Variants in TAF9B observed in about 807,000 individuals in gnomAD.
TAF9B encodes transcription initiation factor TFIID subunit 9B.
In TAF9B, 47 loss-of-function variants were observed where a neutral mutation model predicts 17.6. The observed-to-expected ratio is 2.68, with a 90% CI of 2.12 to 3.41. The LOEUF (loss-of-function observed/expected upper bound fraction) is 3.41, where lower values mean the gene tolerates loss of function less well. TAF9B is among the 30% of genes most tolerant of loss of function. The pLI, the probability that TAF9B is intolerant of heterozygous loss-of-function variation, is 0.00. For missense variants in TAF9B, 218 were observed against 189.3 expected, an observed-to-expected ratio of 1.15 and a Z score of -0.89; for synonymous variants, 84 against 68.7, an observed-to-expected ratio of 1.22 and a Z score of -1.10.
chrX:78,139,541 G>A lies in TAF9B; in HGVS notation c.51+20C>T. ...GGCTGCACCTGGCTTCGCGATCCGC[G>A]GCTTATCCTTCGCACTTACCAAGGC... On this transcript the variant is annotated intron_variant, in intron 1 of 6. Transcript: ENST00000341864. The A allele has an allele frequency of 8.3e-7, 1 of 1,211,349 alleles. No homozygotes were observed. Among genetic ancestry groups the A allele is most frequent in the Admixed American group, 2.2e-5 (1 of 46,012 alleles).
chrX:78,137,671 T>TAC (rs1203693456), intron 4 of TAF9B, 78 bp downstream of exon 4: 3 of 955,622 alleles, frequency 3.1e-6, no homozygotes, highest in Non-Finnish European at 2.9e-6. Context: ...CTATACTAGC[T>TAC]ACAGGAATTT....
chrX:78,137,956 G>C lies in TAF9B; in HGVS notation c.270+6C>G. The C allele has an allele frequency of 8.3e-7, 1 of 1,205,116 alleles. No homozygotes were observed. ...TAAAAATAACTTCAAATCAAAGTTT[G>C]CTCACATCTCTTGGGGGAGGAGAGG... On this transcript the variant is annotated splice_donor_region_variant and intron_variant, in intron 3 of 6. Transcript: ENST00000341864.
Position 78,130,520 on chromosome X carries a change from G to GTCT in TAF9B, c.*1087_*1089dup, listed in dbSNP as rs1479148980. The GTCT allele has an allele frequency of 2.3e-4, 26 of 112,497 alleles. No individual in the cohort carries two copies. The Admixed American group carries it at 2.5e-3, about 11-fold the overall frequency. 9.3% of individuals were successfully genotyped at this position (112,497 alleles called of 1,213,427 possible). On this transcript the variant is annotated 3_prime_UTR_variant, in exon 7 of 7. Transcript: ENST00000341864. ...ATTAGTGTCTTTCAGGTTTGATCCT[G>GTCT]TCTTATATGTGACATCCTCAGCAAC...
rs781964968 is a variant in TAF9B, at chrX:78,138,882, C to G, written c.94G>C (p.Glu32Gln). Residue 32 changes from glutamate (E) to glutamine (Q), a missense_variant, in exon 2 of 7, where the codon GAA (glutamate) becomes CAA (glutamine). By Grantham distance (29) the Glu-to-Gln change is conservative. Coordinates refer to ENST00000341864, the MANE Select transcript of TAF9B (RefSeq NM_015975.5). ...AACATTTGATTTATAACCCTTGGTT[C>G]ATACTCTGTGATTCCCATATCCTTC... ...ILKDMGITEY[E>Q]PRVINQMLEF... 22 of 1,208,348 alleles carry G rather than the reference C, an allele frequency of 1.8e-5. No individual in the cohort carries two copies. Among genetic ancestry groups the G allele is most frequent in the Non-Finnish European group, 2.4e-5 (21 of 893,338 alleles).
Position 78,129,831 on chromosome X carries a change from C to CACAT in TAF9B, c.*1775_*1778dup, listed in dbSNP as rs1245317586. On this transcript the variant is annotated 3_prime_UTR_variant, in exon 7 of 7. Transcript: ENST00000341864. ...CATTTTACAATTCTGAAAGAATTTT[C>CACAT]ACATATACCAATTGAACCCTCACAA... is the stretch of plus-strand genomic sequence containing the variant. 14 of 111,915 alleles carry CACAT rather than the reference C, an allele frequency of 1.3e-4. No individual in the cohort carries two copies. Among genetic ancestry groups the CACAT allele is most frequent in the African/African-American group, 4.6e-4 (14 of 30,657 alleles). The allele number at this position is 111,915 out of a possible 1,213,427, so 9.2% of individuals were successfully genotyped here. A position where few individuals can be genotyped will look rare whatever the true frequency, so the allele number is the denominator to read the frequency against.
At position 78,129,857 on chromosome X, in the gene TAF9B, C is replaced by T. The variant is rs2078401560; in HGVS notation, c.*1753G>A. The T allele has an allele frequency of 8.9e-6, 1 of 112,043 alleles. No individual in the cohort carries two copies. Among genetic ancestry groups the T allele is most frequent in the African/African-American group, 3.3e-5 (1 of 30,703 alleles). The allele number at this position is 112,043 out of a possible 1,213,427, so 9.2% of individuals were successfully genotyped here. A position where few individuals can be genotyped will look rare whatever the true frequency, so the allele number is the denominator to read the frequency against. ...ACATATACCAATTGAACCCTCACAA[C>T]AGCCCTGTGAGGTAGGCAGGGTAGG... On this transcript the variant is annotated 3_prime_UTR_variant, in exon 7 of 7. Coordinates refer to ENST00000341864, the MANE Select transcript of TAF9B (RefSeq NM_015975.5).
At chrX:78,139,040 C>T (rs1336200980) in intron 1 of TAF9B, 116 bp from the exon 2 acceptor site, 1 of 553,358 alleles carries the variant, frequency 1.8e-6, no homozygotes. Context: ...GCTCCAAAGT[C>T]CTACTCACCC....
intron 5 of TAF9B, 45 bp downstream of exon 5, chrX:78,136,870 G>T: frequency 1.0e-6 from 1 of 988,108 alleles, no homozygotes; most frequent in Non-Finnish European, 1.4e-6. Context: ...AAGTGCTGAG[G>T]CACTGCTTTA....
Position 78,137,951 on chromosome X carries a change from A to G in TAF9B, c.270+11T>C, listed in dbSNP as rs1557250239. ...GTAAGTAAAAATAACTTCAAATCAAAGTTTGCTCACATCTCTTGGGGGAGG... is the reference window on the plus strand; with the variant it reads ...GTAAGTAAAAATAACTTCAAATCAAGGTTTGCTCACATCTCTTGGGGGAGG... On this transcript the variant is annotated intron_variant, in intron 3 of 6. Coordinates refer to ENST00000341864, the MANE Select transcript of TAF9B (RefSeq NM_015975.5). The G allele has an allele frequency of 8.3e-7, 1 of 1,203,739 alleles. No individual in the cohort carries two copies. Among genetic ancestry groups the G allele is most frequent in the South Asian group, 1.8e-5 (1 of 55,105 alleles).
rs1479104501 is a variant in TAF9B at position 78,129,886 on chromosome X, T to TA, written c.*1723dup. The stretch of plus-strand genomic sequence containing the variant: ...CCTGTGAGGTAGGCAGGGTAGGTGT[T>TA]ACTTTCCTACTGCTAGTGAGGAGAA... On this transcript the variant is annotated 3_prime_UTR_variant, in exon 7 of 7. Coordinates refer to ENST00000341864, the MANE Select transcript of TAF9B (RefSeq NM_015975.5). 2.2e-4 allele frequency: 25 copies of TA among 112,293 alleles called. No homozygotes were observed. Among genetic ancestry groups the TA allele is most frequent in the Admixed American group, 2.1e-3 (22 of 10,529 alleles). 9.3% of individuals were successfully genotyped at this position (112,293 alleles called of 1,213,427 possible). A position where few individuals can be genotyped will look rare whatever the true frequency, so the allele number is the denominator to read the frequency against.
chrX:78,139,418 T>C (rs2149142807), intron 1 of TAF9B, 143 bp downstream of exon 1: 1 of 885,811 alleles, frequency 1.1e-6, no homozygotes, highest in Admixed American at 3.1e-5. Flanking sequence ...CCAGGGCGCA[T>C]CCCCATCACC....
intron 5 of TAF9B, among the ~76,000 whole-genome samples, chrX:78,135,829 G>A (rs2078432109): frequency 1.8e-5 from 2 of 111,804 alleles, no homozygotes; most frequent in African/African-American, 6.5e-5. Context: ...TAAGTAATGT[G>A]AACCCACAGA....
Position 78,131,486 on chromosome X carries a change from C to T in TAF9B, c.*124G>A, listed in dbSNP as rs1395212865. 3.0e-5 allele frequency: 18 copies of T among 597,303 alleles called. No individual in the cohort carries two copies. Among genetic ancestry groups the T allele is most frequent in the East Asian group, 6.8e-5 (2 of 29,208 alleles). 49.2% of individuals were successfully genotyped at this position (597,303 alleles called of 1,213,427 possible). ...AAAGAGATCTAACAGTTTTAACTGA[C>T]GAAAAATACTGCAGCTACATTTCAG... On this transcript the variant is annotated 3_prime_UTR_variant, in exon 7 of 7. Coordinates refer to ENST00000341864, the MANE Select transcript of TAF9B (RefSeq NM_015975.5).
At chrX:78,132,503 C>G (rs1195872205) in intron 6 of TAF9B, among the ~76,000 whole-genome samples, 1 of 110,697 alleles carries the variant, frequency 9.0e-6, no homozygotes, top group Non-Finnish European at 1.9e-5. Context: ...CCCTAATAGG[C>G]CAGTATTTTA....
rs782757003 is a variant in TAF9B at position 78,133,420 on chromosome X, A to G, written c.510T>C (p.Asn170=). The stretch of plus-strand genomic sequence containing the variant: ...TCACTGACATTGGAGTTGCAACTTT[A>G]TTTGGGACAGACACCGTTTGTGGGG... The part of the protein sequence containing the change: ...IATPQTVSVP[N]KVATPMSVTS... The change falls in exon 6 of 7, where the codon AAT becomes AAC. Residue 170 remains asparagine, a synonymous_variant. Transcript: ENST00000341864. The G allele has an allele frequency of 8.3e-7, 1 of 1,210,693 alleles. No homozygotes were observed. Among genetic ancestry groups the G allele is most frequent in the Non-Finnish European group, 1.1e-6 (1 of 894,448 alleles).
rs1557250517 is a variant in TAF9B, at chrX:78,139,563, A to T, written c.49T>A (p.Leu17Met). 8.3e-7 allele frequency: 1 copy of T among 1,210,365 alleles called. No individual in the cohort carries two copies. The highest frequency in any genetic ancestry group is 3.0e-5 in the East Asian group (1 of 33,708). Residue 17 changes from leucine to methionine, a missense_variant and splice_region_variant, in exon 1 of 7, where the codon TTG (leucine) becomes ATG (methionine). Leu to Met is a conservative substitution (Grantham distance 15, BLOSUM62 2). Coordinates refer to ENST00000341864, the MANE Select transcript of TAF9B (RefSeq NM_015975.5). The stretch of plus-strand genomic sequence containing the variant: ...CGCGGCTTATCCTTCGCACTTACCA[A>T]GGCATCTCTCGGAGCGTTCTTGGGA... ...APPKNAPRDA[L>M]VMAQILKDMG...
intron 5 of TAF9B, among the ~76,000 whole-genome samples, chrX:78,134,749 C>T (rs1193157239): frequency 1.8e-5 from 2 of 111,080 alleles, no homozygotes; most frequent in East Asian, 5.6e-4. Flanking sequence ...TTTGGTGAAG[C>T]GTAATGAAGC....
chrX:78,134,415 A>G (rs1328487621), intron 5 of TAF9B, among the ~76,000 whole-genome samples: 1 of 111,762 alleles, frequency 8.9e-6, no homozygotes, highest in Non-Finnish European at 1.9e-5. Context: ...GACTTAATAT[A>G]TATACTGACA....
Position 78,131,182 on chromosome X carries a change from TA to T in TAF9B, c.*427del, listed in dbSNP as rs374621028. 261 of 61,799 alleles carry T rather than the reference TA, an allele frequency of 4.2e-3. 1 individual carries two copies. The highest frequency in any genetic ancestry group is 0.012 in the African/African-American group (169 of 14,531). The allele number at this position is 61,799 out of a possible 1,213,427, so 5.1% of individuals were successfully genotyped here. On this transcript the variant is annotated 3_prime_UTR_variant, in exon 7 of 7. Coordinates refer to ENST00000341864, the MANE Select transcript of TAF9B (RefSeq NM_015975.5). ...ATGTTTCCTATATTGAGAGATTTGG[TA>T]AAAAAAAAAAAATTAGCTAGTGACA...
Sources: gnomAD v4.1 joint callset for allele counts (sites outside exome capture counted in the v4.1 genomes callset) on GRCh38, gnomAD v4.1.1 for gene constraint, MANE v1.5 for transcripts, NCBI Gene and HGNC (gene_info 2026-07-23, HGNC 2026-07-21) for gene names.